PPM1D: variants seen among roughly 807,000 people sequenced by gnomAD.
The protein encoded by PPM1D is protein phosphatase 1D.
PPM1D carries 52 observed loss-of-function variants against 58.3 expected under a neutral mutation model. The ratio of observed to expected loss-of-function variants is 0.89; its 90% confidence interval spans 0.71 to 1.12. PPM1D has a LOEUF of 1.12. PPM1D is among the 50% of genes most tolerant of loss of function. The probability of loss-of-function intolerance (pLI) is 0.00; values close to 1 mark genes in which losing one functional copy is unlikely to be tolerated. For missense variants in PPM1D, 564 were observed against 777.2 expected (o/e 0.73, Z 3.26); for synonymous variants, 278 against 285.1 (o/e 0.98, Z 0.25).
At chr17:60,651,101 G>A (rs991015113) in intron 4 of PPM1D, among the ~76,000 whole-genome samples, 2 of 152,182 alleles carry the variant, frequency 1.3e-5, no homozygotes, top group Non-Finnish European at 2.9e-5. Context: ...CAAGTCAGCA[G>A]AATTCTAGTG....
rs1398570415 is a variant in PPM1D at position 60,647,907 on chromosome 17, A to G, written c.842A>G (p.Tyr281Cys). The G allele has an allele frequency of 6.2e-7, 1 of 1,612,464 alleles. No individual in the cohort carries two copies. Among genetic ancestry groups the G allele is most frequent in the Non-Finnish European group, 8.5e-7 (1 of 1,178,774 alleles). The change falls in exon 4 of 6, where the codon TAT becomes TGT. Residue 281 changes from tyrosine (Y) to cysteine (C), a missense_variant. Physicochemically the swap from Tyr to Cys is radical, Grantham distance 194. Transcript: ENST00000305921. The stretch of plus-strand genomic sequence containing the variant: ...CTTCCCCCAGGTGATTTGTGGAGCT[A>G]TGATTTCTTCAGTGGTGAATTTGTG... ...VARALGDLWS[Y>C]DFFSGEFVVS...
intron 1 of PPM1D, among the ~76,000 whole-genome samples, chr17:60,611,370 C>T (rs1018874254): frequency 1.3e-5 from 2 of 151,972 alleles, no homozygotes; most frequent in African/African-American, 4.8e-5. Context: ...CATGTTAACA[C>T]TGAATTGTTT....
intron 2 of PPM1D, among the ~76,000 whole-genome samples, chr17:60,633,083 C>G (rs2030958397): frequency 6.6e-6 from 1 of 151,986 alleles, no homozygotes; most frequent in African/African-American, 2.4e-5. Flanking sequence ...GTTGGGAGTT[C>G]AAGACCAGCC....
At chr17:60,650,394 T>G (rs2031321203) in intron 4 of PPM1D, among the ~76,000 whole-genome samples, 1 of 151,964 alleles carries the variant, frequency 6.6e-6, no homozygotes, top group Non-Finnish European at 1.5e-5. Flanking sequence ...CTACTAAAAA[T>G]ACAAAAATCA....
Position 60,663,349 on chromosome 17 carries a change from GAAGA to G in PPM1D, c.1616_1619del (p.Glu539GlyfsTer7). On this transcript the variant is annotated frameshift_variant, in exon 6 of 6. Coordinates refer to ENST00000305921, the MANE Select transcript of PPM1D (RefSeq NM_003620.4). LOFTEE classifies it high-confidence loss of function. ...TCCAACAAACTTTAAAAGGACATTA[GAAGA>G]GTCCAATTCTGGCCCCCTGATGAAG... 1 of 1,614,036 alleles carries G rather than the reference GAAGA, an allele frequency of 6.2e-7. No homozygotes were observed. The highest frequency in any genetic ancestry group is 8.5e-7 in the Non-Finnish European group (1 of 1,180,030).
chr17:60,654,118 A>G (rs1375967424), intron 4 of PPM1D, among the ~76,000 whole-genome samples: 2 of 151,924 alleles, frequency 1.3e-5, no homozygotes, highest in African/African-American at 4.8e-5. Flanking sequence ...TCCTTAGAGG[A>G]AAGACCTTCA....
chr17:60,645,480 GTGTGTGTGTGTGTA>G (rs2031217085), intron 3 of PPM1D, among the ~76,000 whole-genome samples: 1 of 142,860 alleles, frequency 7.0e-6, no homozygotes, highest in South Asian at 2.1e-4. Flanking sequence ...GTGTGTGTGT[GTGTGTGTGTGTGTA>G]TGTGTATATA....
chr17:60,601,815 C>G (rs1205308831), intron 1 of PPM1D, among the ~76,000 whole-genome samples: 1 of 151,964 alleles, frequency 6.6e-6, no homozygotes, highest in Admixed American at 6.6e-5. Flanking sequence ...TTTCTGTGCC[C>G]AACATTTACA....
At chr17:60,621,606 G>A (rs1336158858) in intron 1 of PPM1D, among the ~76,000 whole-genome samples, 3 of 135,114 alleles carry the variant, frequency 2.2e-5, no homozygotes, top group Non-Finnish European at 4.6e-5. Context: ...TCGCTCTGTC[G>A]CCCAGGCCAG....
intron 1 of PPM1D, among the ~76,000 whole-genome samples, chr17:60,610,419 C>A (rs1385472958): frequency 6.6e-6 from 1 of 152,014 alleles, no homozygotes; most frequent in African/African-American, 2.4e-5. Flanking sequence ...ATAAATATAC[C>A]AATATTGTGC....
At chr17:60,659,184 T>C (rs976029217) in intron 5 of PPM1D, among the ~76,000 whole-genome samples, 1 of 152,204 alleles carries the variant, frequency 6.6e-6, no homozygotes, top group Non-Finnish European at 1.5e-5. Flanking sequence ...TTTTGGTTTG[T>C]TTTATTTACC....
In PPM1D at chr17:60,663,146, CA is replaced by C. The variant is rs751658439; in HGVS notation, c.1413del (p.Glu472AsnfsTer11). 6.2e-7 allele frequency: 1 copy of C among 1,614,090 alleles called. No individual in the cohort carries two copies. Among genetic ancestry groups the C allele is most frequent in the Non-Finnish European group, 8.5e-7 (1 of 1,180,010 alleles). On this transcript the variant is annotated frameshift_variant, in exon 6 of 6. Transcript: ENST00000305921. LOFTEE classifies it high-confidence loss of function. ...VQGVVIPSKDPEPLEENCAKA... is the reference protein window; with the variant it reads ...VQGVVIPSKDXEPLEENCAKA... ...GGTGTAGTCATACCCTCAAAAGATC[CA>C]GAACCACTTGAAGAAAATTGCGCTA...
chr17:60,650,272 C>T (rs993245621), intron 4 of PPM1D, among the ~76,000 whole-genome samples: 5 of 152,110 alleles, frequency 3.3e-5, no homozygotes, highest in African/African-American at 7.2e-5. Flanking sequence ...ACATGTAGGC[C>T]GGGCGCAGTG....
chr17:60,646,185 T>G (rs2031248088), intron 3 of PPM1D, among the ~76,000 whole-genome samples: 1 of 152,226 alleles, frequency 6.6e-6, no homozygotes, highest in Non-Finnish European at 1.5e-5. Flanking sequence ...CTTTGTGAGC[T>G]TATCTGGATT....
intron 1 of PPM1D, among the ~76,000 whole-genome samples, chr17:60,607,402 C>T (rs1030338680): frequency 1.3e-5 from 2 of 152,322 alleles, no homozygotes; most frequent in Middle Eastern, 3.4e-3. Context: ...CCTGCCTCAG[C>T]TTCCCGAGTA....
intron 1 of PPM1D, among the ~76,000 whole-genome samples, chr17:60,612,421 T>C (rs1314129697): frequency 6.6e-6 from 1 of 150,514 alleles, no homozygotes; most frequent in African/African-American, 2.5e-5. Context: ...ACACCTAGAT[T>C]GTATATAGCG....
intron 1 of PPM1D, among the ~76,000 whole-genome samples, chr17:60,602,475 CCTTA>C (rs1386356279): frequency 6.6e-6 from 1 of 151,146 alleles, no homozygotes; most frequent in Non-Finnish European, 1.5e-5. Flanking sequence ...GTGTGGGCCG[CCTTA>C]CTTTGTTGCC....
rs1216259341 is a variant in PPM1D, at chr17:60,600,402, C to G, written c.-13C>G. On this transcript the variant is annotated 5_prime_UTR_variant, in exon 1 of 6. Transcript: ENST00000305921. ...GGGCTGCGTGGGACCGGCGGGATCC[C>G]GGCCAGCCGGCCATGGCGGGGCTGT... is the stretch of plus-strand genomic sequence containing the variant. 5 of 1,541,286 alleles carry G rather than the reference C, an allele frequency of 3.2e-6. No individual in the cohort carries two copies. The highest frequency in any genetic ancestry group is 3.5e-6 in the Non-Finnish European group (4 of 1,144,478).
At chr17:60,627,613 G>A (rs1043851937) in intron 2 of PPM1D, among the ~76,000 whole-genome samples, 21 of 151,956 alleles carry the variant, frequency 1.4e-4, no homozygotes, top group Non-Finnish European at 1.5e-4. Context: ...GTAGAAACGG[G>A]GTTTCACCGT....
Sources: allele counts gnomAD v4.1 joint callset (sites outside exome capture counted in the v4.1 genomes callset), GRCh38; gene constraint gnomAD v4.1.1; transcripts MANE v1.5; gene names NCBI Gene and HGNC (gene_info 2026-07-23, HGNC 2026-07-21).